Variants in GRIN2B observed in about 807,000 individuals in gnomAD.
GRIN2B encodes glutamate ionotropic receptor NMDA type subunit 2B.
GRIN2B carries 5 observed loss-of-function variants against 114.5 expected under a neutral mutation model. The ratio of observed to expected loss-of-function variants is 0.04; its 90% CI spans 0.02 to 0.09. GRIN2B has a LOEUF of 0.09. GRIN2B is among the 10% of genes least tolerant of loss of function. The pLI, the probability that GRIN2B is intolerant of heterozygous loss-of-function variation, is 1.00. For missense variants in GRIN2B, 1,108 were observed against 1,943.5 expected (o/e 0.57, Z 8.08); for synonymous variants, 787 against 745.1 (o/e 1.06, Z -0.92).
At chr12:13,701,729 TA>T (rs906587568) in intron 4 of GRIN2B, among the ~76,000 whole-genome samples, 3 of 146,920 alleles carry the variant, frequency 2.0e-5, no homozygotes, top group African/African-American at 7.3e-5. Context: ...GACTATGCAT[TA>T]CAATGTGTGT....
intron 5 of GRIN2B, among the ~76,000 whole-genome samples, chr12:13,657,987 C>T (rs967871486): frequency 2.6e-5 from 4 of 152,120 alleles, no homozygotes; most frequent in African/African-American, 9.6e-5. Flanking sequence ...AGTCGGATCA[C>T]CTGAGGTCAG....
chr12:13,945,198 C>G (rs1867340531), intron 2 of GRIN2B, among the ~76,000 whole-genome samples: 1 of 152,112 alleles, frequency 6.6e-6, no homozygotes, highest in Non-Finnish European at 1.5e-5. Flanking sequence ...AACACACAGG[C>G]CCACAAAGCA....
At chr12:13,664,954 T>C (rs1435814075) in intron 5 of GRIN2B, among the ~76,000 whole-genome samples, 2 of 152,152 alleles carry the variant, frequency 1.3e-5, no homozygotes, top group Non-Finnish European at 2.9e-5. Context: ...ACTGCCATGA[T>C]GGTTGATTTT....
At chr12:13,795,229 G>A (rs540555651) in intron 3 of GRIN2B, among the ~76,000 whole-genome samples, 1 of 152,248 alleles carries the variant, frequency 6.6e-6, no homozygotes, top group East Asian at 1.9e-4. Context: ...TGGATAATAA[G>A]CTAACTGAGT....
intron 10 of GRIN2B, among the ~76,000 whole-genome samples, chr12:13,589,051 T>C (rs1237804564): frequency 2.6e-5 from 4 of 152,170 alleles, no homozygotes; most frequent in Non-Finnish European, 5.9e-5. Flanking sequence ...CCATGACATT[T>C]TGGGACATAC....
rs953163239 is a variant in GRIN2B, at chr12:13,866,010, G to A, written c.199C>T (p.Arg67Trp). Residue 67 changes from arginine to tryptophan, a missense_variant, in exon 3 of 14, where the codon CGG becomes TGG. Arg to Trp is a moderately radical substitution (Grantham distance 101, BLOSUM62 -3). This residue lies in a region of GRIN2B where 199 missense variants were observed against 439.6 expected (regional missense o/e 0.45). Coordinates refer to ENST00000609686, the MANE Select transcript of GRIN2B (RefSeq NM_000834.5). ...TCATTCATGGCTACCAGTTCCACCC[G>A]GGGTACCACGGAGAGATGGTGGAAA... The part of the protein sequence containing the change: ...DDFHHLSVVP[R>W]VELVAMNETD... The A allele has an allele frequency of 5.0e-6, 8 of 1,613,924 alleles. No homozygotes were observed. The highest frequency in any genetic ancestry group is 1.7e-5 in the Admixed American group (1 of 60,024).
At position 13,972,532 on chromosome 12, in the gene GRIN2B, G is replaced by A. The variant is rs572530863; in HGVS notation, c.-19+7396C>T. On this transcript the variant is annotated intron_variant, in intron 2 of 13. Coordinates refer to ENST00000609686, the MANE Select transcript of GRIN2B (RefSeq NM_000834.5). ...CCCATTACATATAAGAGAGAACTCCGGACTCTGATGCTATGTAGATGAGCA... is the reference window on the plus strand; with the variant it reads ...CCCATTACATATAAGAGAGAACTCCAGACTCTGATGCTATGTAGATGAGCA... Among the ~76,000 whole-genome samples, 43 of 152,110 alleles carry A rather than the reference G, an allele frequency of 2.8e-4. 1 individual carries two copies. The highest frequency in any genetic ancestry group is 4.3e-4 in the Non-Finnish European group (29 of 68,022).
At chr12:13,612,925 A>G (rs565427804) in intron 8 of GRIN2B, among the ~76,000 whole-genome samples, 10 of 152,376 alleles carry the variant, frequency 6.6e-5, no homozygotes, top group African/African-American at 2.4e-4. Context: ...ATTAATAAAG[A>G]TGAAGTTTAA....
At chr12:13,779,050 T>A (rs1363706329) in intron 3 of GRIN2B, among the ~76,000 whole-genome samples, 5 of 152,134 alleles carry the variant, frequency 3.3e-5, no homozygotes, top group African/African-American at 1.2e-4. Flanking sequence ...TTCCTCTTTA[T>A]TTTATTTTAT....
At chr12:13,746,018 AG>A (rs1022861713) in intron 4 of GRIN2B, among the ~76,000 whole-genome samples, 10 of 151,884 alleles carry the variant, frequency 6.6e-5, no homozygotes, top group African/African-American at 2.4e-4. Flanking sequence ...TGCTGGGAGG[AG>A]GGAGACAAAA....
rs553188819 is a variant in GRIN2B at position 13,553,584 on chromosome 12, T to C, written c.*9199A>G. ...GGAAGTAGCGTGTGGTGAAATACAG[T>C]GGTCCTGTTGGACCACCACCTGGGG... On this transcript the variant is annotated 3_prime_UTR_variant, in exon 14 of 14. Coordinates refer to ENST00000609686, the MANE Select transcript of GRIN2B (RefSeq NM_000834.5). 1 of 152,306 alleles carries C rather than the reference T, an allele frequency of 6.6e-6. No individual in the cohort carries two copies. The highest frequency in any genetic ancestry group is 2.1e-4 in the South Asian group (1 of 4,832). The allele number at this position is 152,306 out of a possible 1,614,324, so 9.4% of individuals were successfully genotyped here. A position where few individuals can be genotyped will look rare whatever the true frequency, so the allele number is the denominator to read the frequency against.
At chr12:13,953,244 T>G (rs1294188960) in intron 2 of GRIN2B, among the ~76,000 whole-genome samples, 1 of 152,150 alleles carries the variant, frequency 6.6e-6, no homozygotes, top group African/African-American at 2.4e-5. Context: ...TGGCCTTTTC[T>G]GACCTGGCCT....
intron 5 of GRIN2B, among the ~76,000 whole-genome samples, chr12:13,664,252 A>C (rs1949953254): frequency 6.6e-6 from 1 of 152,124 alleles, no homozygotes; most frequent in Admixed American, 6.6e-5. Context: ...GGCTGAATGC[A>C]GAGAGGTGAG....
chr12:13,868,977 C>G (rs1005067648), intron 2 of GRIN2B, among the ~76,000 whole-genome samples: 3 of 152,134 alleles, frequency 2.0e-5, no homozygotes, highest in African/African-American at 7.2e-5. Flanking sequence ...GGCTTTGCTC[C>G]CTTCCTCACA....
At chr12:13,566,983 CT>C (rs1415658920) in intron 13 of GRIN2B, 41 bp downstream of exon 13, 1 of 1,348,096 alleles carries the variant, frequency 7.4e-7, no homozygotes, top group East Asian at 2.3e-5. Flanking sequence ...CTAGGCTAAG[CT>C]GTCCCTAACA....
intron 4 of GRIN2B, among the ~76,000 whole-genome samples, chr12:13,709,772 C>T (rs1287770717): frequency 6.6e-6 from 1 of 151,996 alleles, no homozygotes. Context: ...TTCCAGCTGT[C>T]TGATTTCCTA....
At chr12:13,665,164 TGTTTGTGTG>T (rs1949962042) in intron 5 of GRIN2B, among the ~76,000 whole-genome samples, 1 of 25,024 alleles carries the variant, frequency 4.0e-5, no homozygotes, top group African/African-American at 7.9e-5. Context: ...TGTGTGTGTG[TGTTTGTGTG>T]TGTGTGTGTG....
intron 3 of GRIN2B, among the ~76,000 whole-genome samples, chr12:13,809,307 A>C (rs1355723738): frequency 2.0e-5 from 3 of 152,188 alleles, no homozygotes; most frequent in Non-Finnish European, 2.9e-5. Context: ...GAAGACCAGG[A>C]GGTTTAGTGG....
chr12:13,883,284 G>T (rs902127444), intron 2 of GRIN2B, among the ~76,000 whole-genome samples: 5 of 152,150 alleles, frequency 3.3e-5, no homozygotes, highest in Non-Finnish European at 7.4e-5. Flanking sequence ...CAGTGGGATT[G>T]CTAAATTATT....
Sources: allele counts gnomAD v4.1 joint callset (sites outside exome capture counted in the v4.1 genomes callset), GRCh38; gene constraint gnomAD v4.1.1; regional missense constraint gnomAD v4.1.1; transcripts MANE v1.5; gene names NCBI Gene and HGNC (gene_info 2026-07-23, HGNC 2026-07-21).